Variants in JAZF1 observed in about 807,000 individuals in gnomAD.
JAZF1 encodes JAZF zinc finger 1.
Under a neutral mutation model 26.4 loss-of-function variants are expected in JAZF1, and 8 were observed. The ratio of observed to expected loss-of-function variants is 0.30; its 90% confidence interval spans 0.18 to 0.55. The LOEUF (loss-of-function observed/expected upper bound fraction) is 0.55. Ranked by LOEUF, JAZF1 falls within the 20% of genes least tolerant of loss-of-function variation. The pLI is 0.94. For missense variants in JAZF1, 199 were observed against 322.0 expected (o/e 0.62, Z 2.92); for synonymous variants, 126 against 122.3 (o/e 1.03, Z -0.20).
rs142802008 is a variant in JAZF1 at position 27,957,548 on chromosome 7, C to T, written c.188+34361G>A. ...AAACAAACTCAAAAGTACATTCAAA[C>T]GGAGCACTTTGGTTACCCTGGACTA... On this transcript the variant is annotated intron_variant, in intron 2 of 4. Coordinates refer to ENST00000283928, the MANE Select transcript of JAZF1 (RefSeq NM_175061.4). 1.1e-3 allele frequency among the ~76,000 whole-genome samples: 169 copies of T among 152,282 alleles called. 1 individual carries two copies. Among genetic ancestry groups the T allele is most frequent in the African/African-American group, 3.7e-3 (154 of 41,542 alleles).
chr7:28,033,774 ACT>A (rs1194649798), intron 1 of JAZF1, among the ~76,000 whole-genome samples: 2 of 151,934 alleles, frequency 1.3e-5, no homozygotes, highest in South Asian at 2.1e-4. Flanking sequence ...GAGGAGTCTC[ACT>A]CTGTCACCCA....
chr7:28,056,472 AC>A (rs1166658946), intron 1 of JAZF1, among the ~76,000 whole-genome samples: 3,261 of 144,486 alleles, frequency 0.023, 51 homozygotes, highest in Middle Eastern at 0.041. Context: ...ACACACACAC[AC>A]ACAATAAGAA....
intron 1 of JAZF1, among the ~76,000 whole-genome samples, chr7:28,047,812 A>C (rs1446339524): frequency 6.6e-6 from 1 of 152,148 alleles, no homozygotes; most frequent in African/African-American, 2.4e-5. Context: ...CTAAGTTTAC[A>C]ATACCACGGA....
chr7:28,102,993 C>A (rs556487056), intron 1 of JAZF1, among the ~76,000 whole-genome samples: 51 of 152,256 alleles, frequency 3.3e-4, no homozygotes, highest in African/African-American at 1.2e-3. Context: ...CCACAGCCCT[C>A]GGTGAGTCAC....
chr7:27,925,405 T>C (rs1053185279), intron 2 of JAZF1, among the ~76,000 whole-genome samples: 6 of 152,146 alleles, frequency 3.9e-5, no homozygotes, highest in Non-Finnish European at 8.8e-5. Context: ...GTGTGGTACT[T>C]TTTAAAAAGA....
intron 1 of JAZF1, among the ~76,000 whole-genome samples, chr7:28,090,239 T>C (rs1476873604): frequency 1.3e-5 from 2 of 152,228 alleles, no homozygotes; most frequent in Non-Finnish European, 2.9e-5. Context: ...GCTCTTATAG[T>C]GCCTAACATA....
intron 3 of JAZF1, among the ~76,000 whole-genome samples, chr7:27,854,397 T>C (rs139783245): frequency 6.6e-6 from 1 of 152,374 alleles, no homozygotes; most frequent in African/African-American, 2.4e-5. Flanking sequence ...ATGTATGAAT[T>C]TGATCCTGTC....
intron 1 of JAZF1, among the ~76,000 whole-genome samples, chr7:28,022,814 C>T (rs549357602): frequency 2.2e-4 from 33 of 152,204 alleles, no homozygotes; most frequent in African/African-American, 3.6e-4. Context: ...TGGAGTGCAA[C>T]GGCATGATCT....
chr7:28,153,187 C>T (rs1213012841), intron 1 of JAZF1, among the ~76,000 whole-genome samples: 1 of 152,088 alleles, frequency 6.6e-6, no homozygotes, highest in African/African-American at 2.4e-5. Flanking sequence ...ACTTGGTTTG[C>T]TCATCTTGGA....
chr7:27,866,877 G>A (rs1396489828), intron 3 of JAZF1, among the ~76,000 whole-genome samples: 2 of 152,152 alleles, frequency 1.3e-5, no homozygotes, highest in African/African-American at 4.8e-5. Context: ...CTGTCTCTCT[G>A]GCCTCGAGGT....
At chr7:28,055,910 C>T (rs2128381220) in intron 1 of JAZF1, among the ~76,000 whole-genome samples, 1 of 152,302 alleles carries the variant, frequency 6.6e-6, no homozygotes, top group Admixed American at 6.5e-5. Flanking sequence ...TTGTTTAAGG[C>T]CTCACAGCTC....
rs564078008 is a variant in JAZF1 at position 28,006,940 on chromosome 7, T to G, written c.116-14959A>C. 1.6e-3 allele frequency among the ~76,000 whole-genome samples: 241 copies of G among 152,344 alleles called. 1 individual carries two copies. Among genetic ancestry groups the G allele is most frequent in the African/African-American group, 5.6e-3 (231 of 41,578 alleles). ...TATGACAAAATTAAAATAAGCATTA[T>G]GTAACTATTAGCATAAAACATTTTT... On this transcript the variant is annotated intron_variant, in intron 1 of 4. Transcript: ENST00000283928.
chr7:27,982,468 G>C lies in JAZF1; in HGVS notation c.188+9441C>G, dbSNP rs1333424953. ...AATGGCTAGGAAGCTCGAACTCGGT[G>C]GAGGCCACCACAGCTCAAGGAGGTC... On this transcript the variant is annotated intron_variant, in intron 2 of 4. Transcript: ENST00000283928. Among the ~76,000 whole-genome samples, 4 of 152,318 alleles carry C rather than the reference G, an allele frequency of 2.6e-5. No individual in the cohort carries two copies. In the East Asian group the frequency reaches 7.7e-4, roughly 29 times the overall value.
chr7:27,979,765 G>A (rs1020960175), intron 2 of JAZF1, among the ~76,000 whole-genome samples: 1 of 152,068 alleles, frequency 6.6e-6, no homozygotes, highest in Non-Finnish European at 1.5e-5. Context: ...GGTGAGTCAC[G>A]ATGGAGAATA....
In JAZF1 at chr7:28,159,758, A is replaced by G. The variant is rs887167076; in HGVS notation, c.115+20705T>C. Among the ~76,000 whole-genome samples the G allele has an allele frequency of 4.6e-5, 7 of 152,264 alleles. No homozygotes were observed. The East Asian group carries it at 9.7e-4, about 21-fold the overall frequency. ...ACTGCAGGAAGAATCAGTTTTACCT[A>G]GTAAAGTTCATTCTTCCTGGTGTAC... On this transcript the variant is annotated intron_variant, in intron 1 of 4. Transcript: ENST00000283928.
intron 2 of JAZF1, among the ~76,000 whole-genome samples, chr7:27,937,080 G>GT (rs1331572501): frequency 1.3e-5 from 2 of 152,234 alleles, no homozygotes; most frequent in South Asian, 2.1e-4. Context: ...ACAGTGTTAG[G>GT]TTTTTTCTCA....
At chr7:28,136,207 A>G (rs1029949081) in intron 1 of JAZF1, among the ~76,000 whole-genome samples, 2 of 152,188 alleles carry the variant, frequency 1.3e-5, no homozygotes, top group Admixed American at 6.5e-5. Context: ...AATAACTCTC[A>G]CACTCTATTC....
At chr7:28,016,643 TACCTG>T (rs1312043334) in intron 1 of JAZF1, among the ~76,000 whole-genome samples, 4 of 152,170 alleles carry the variant, frequency 2.6e-5, no homozygotes, top group Non-Finnish European at 4.4e-5. Flanking sequence ...CACCCTCATG[TACCTG>T]CTGGCTCCCC....
intron 2 of JAZF1, among the ~76,000 whole-genome samples, chr7:27,929,941 T>A (rs1443750844): frequency 2.1e-5 from 3 of 143,984 alleles, no homozygotes; most frequent in Non-Finnish European, 3.0e-5. Flanking sequence ...CTGCATTCTC[T>A]CTCTCTCTCT....
Sources: gnomAD v4.1 joint callset for allele counts (sites outside exome capture counted in the v4.1 genomes callset) on GRCh38, gnomAD v4.1.1 for gene constraint, MANE v1.5 for transcripts, NCBI Gene and HGNC (gene_info 2026-07-23, HGNC 2026-07-21) for gene names.